KIFAP3: variants seen among roughly 807,000 people sequenced by gnomAD.
KIFAP3 encodes the protein kinesin-associated protein 3.
KIFAP3 carries 68 observed loss-of-function variants against 106.5 expected under a neutral mutation model. That is an observed-to-expected ratio of 0.64 (90% CI 0.53 to 0.78). The LOEUF (loss-of-function observed/expected upper bound fraction) is 0.78. KIFAP3 is among the 30% of genes least tolerant of loss of function. The pLI is 0.00. For synonymous variants in KIFAP3, 320 were observed against 311.5 expected, an observed-to-expected ratio of 1.03 and a Z score of -0.29; for missense variants, 780 against 941.8, an observed-to-expected ratio of 0.83 and a Z score of 2.25.
intron 19 of KIFAP3, among the ~76,000 whole-genome samples, chr1:169,923,394 A>G (rs1662925308): frequency 6.6e-6 from 1 of 152,170 alleles, no homozygotes; most frequent in African/African-American, 2.4e-5. Flanking sequence ...TTAAAATTAG[A>G]GAAGTTATTG....
At chr1:169,934,733 T>C (rs1663690510) in intron 19 of KIFAP3, among the ~76,000 whole-genome samples, 1 of 152,122 alleles carries the variant, frequency 6.6e-6, no homozygotes, top group Non-Finnish European at 1.5e-5. Context: ...ATTTTTGAGA[T>C]TATCTGGGTT....
intron 10 of KIFAP3, among the ~76,000 whole-genome samples, chr1:169,998,437 C>CCA (rs1440915332): frequency 3.4e-5 from 5 of 148,580 alleles, no homozygotes; most frequent in East Asian, 2.0e-4. Context: ...CACACACACA[C>CCA]CACACACACT....
chr1:169,952,047 T>C (rs913213070), intron 19 of KIFAP3, among the ~76,000 whole-genome samples: 3 of 151,990 alleles, frequency 2.0e-5, no homozygotes, highest in Admixed American at 2.0e-4. Context: ...TAAATAACTA[T>C]AGCTAATAAA....
At chr1:169,927,971 G>A (rs1055060114) in intron 19 of KIFAP3, among the ~76,000 whole-genome samples, 1 of 152,184 alleles carries the variant, frequency 6.6e-6, no homozygotes, top group South Asian at 2.1e-4. Context: ...AGGGGGTTGA[G>A]AGGCAAAATC....
chr1:170,045,020 C>G (rs1456185600), intron 3 of KIFAP3, among the ~76,000 whole-genome samples: 1 of 152,110 alleles, frequency 6.6e-6, no homozygotes, highest in Non-Finnish European at 1.5e-5. Flanking sequence ...TATTTTATGG[C>G]AATATAGTTA....
chr1:169,976,016 A>G (rs934683089), intron 16 of KIFAP3, among the ~76,000 whole-genome samples: 1 of 152,174 alleles, frequency 6.6e-6, no homozygotes, highest in African/African-American at 2.4e-5. Context: ...TACACTGAAA[A>G]GAAAGGTCAA....
At chr1:170,026,158 G>A (rs558011176) in intron 8 of KIFAP3, among the ~76,000 whole-genome samples, 37 of 152,240 alleles carry the variant, frequency 2.4e-4, no homozygotes, top group African/African-American at 8.9e-4. Context: ...AGAAAGAGAC[G>A]AGAGAAGATT....
At chr1:169,966,568 G>T (rs1483534039) in intron 17 of KIFAP3, among the ~76,000 whole-genome samples, 1 of 151,046 alleles carries the variant, frequency 6.6e-6, no homozygotes, top group Admixed American at 6.6e-5. Context: ...AATAATATTT[G>T]GAGTTTCATG....
At chr1:170,016,012 G>C (rs1668492079) in intron 10 of KIFAP3, among the ~76,000 whole-genome samples, 2 of 152,034 alleles carry the variant, frequency 1.3e-5, no homozygotes, top group African/African-American at 4.8e-5. Context: ...GATATGGTGA[G>C]ACTATCTCTA....
rs563951743 is a variant in KIFAP3, at chr1:170,000,851, T to C, written c.1184-8596A>G. ...CAACAGTTAAGGGGAAAAAATAACA[T>C]AATTTATAGGTTACAAAGATCAGTA... On this transcript the variant is annotated intron_variant, in intron 10 of 19. Transcript: ENST00000361580. Among the ~76,000 whole-genome samples the C allele has an allele frequency of 6.6e-5, 10 of 152,202 alleles. No homozygotes were observed. The East Asian group carries it at 1.9e-3, about 29-fold the overall frequency.
Position 169,992,059 on chromosome 1 carries a change from ACTT to A in KIFAP3, c.1284+93_1284+95del, listed in dbSNP as rs971610332. The A allele has an allele frequency of 3.0e-5, 15 of 501,274 alleles. No individual in the cohort carries two copies. The Admixed American group carries it at 5.1e-4, about 17-fold the overall frequency. 31.1% of individuals were successfully genotyped at this position (501,274 alleles called of 1,614,324 possible). On this transcript the variant is annotated intron_variant, in intron 11 of 19. Coordinates refer to ENST00000361580, the MANE Select transcript of KIFAP3 (RefSeq NM_014970.4). ...AATTTGTAGTATTATTAAGAAGAGA[ACTT>A]TTTTAGAGAGAAAATCTTGACAAAT...
At chr1:169,946,936 G>A (rs1664471456) in intron 19 of KIFAP3, among the ~76,000 whole-genome samples, 1 of 151,768 alleles carries the variant, frequency 6.6e-6, no homozygotes, top group African/African-American at 2.4e-5. Flanking sequence ...TATTTGCTTT[G>A]ATTTTTTCCT....
chr1:169,942,962 A>G (rs759211953), intron 19 of KIFAP3, among the ~76,000 whole-genome samples: 4 of 132,946 alleles, frequency 3.0e-5, no homozygotes, highest in Non-Finnish European at 6.2e-5. Context: ...ATTTCTTTTG[A>G]TTGAAACCAA....
At position 170,035,563 on chromosome 1, in the gene KIFAP3, AAGG is replaced by A. The variant is rs778052866; in HGVS notation, c.518-13_518-11del. 6.4e-7 allele frequency: 1 copy of A among 1,557,520 alleles called. No individual in the cohort carries two copies. Among genetic ancestry groups the A allele is most frequent in the Non-Finnish European group, 8.8e-7 (1 of 1,139,750 alleles). On this transcript the variant is annotated splice_polypyrimidine_tract_variant and intron_variant, in intron 5 of 19. Coordinates refer to ENST00000361580, the MANE Select transcript of KIFAP3 (RefSeq NM_014970.4). ...GCACCAAGGGCAGTTTCTAAAGAAA[AAGG>A]AGAGGTACCGAAACGATCATTCTCC...
At chr1:169,957,360 A>G (rs1665074179) in intron 18 of KIFAP3, among the ~76,000 whole-genome samples, 1 of 152,176 alleles carries the variant, frequency 6.6e-6, no homozygotes, top group Admixed American at 6.5e-5. Flanking sequence ...CTTTTAGACC[A>G]CAGTTATAAA....
chr1:169,945,590 G>A (rs1438048663), intron 19 of KIFAP3, among the ~76,000 whole-genome samples: 2 of 152,146 alleles, frequency 1.3e-5, no homozygotes, highest in East Asian at 3.9e-4. Context: ...GAGCATCTTT[G>A]GGCTTTCTAT....
intron 1 of KIFAP3, among the ~76,000 whole-genome samples, chr1:170,071,544 T>A (rs1671705320): frequency 6.6e-6 from 1 of 152,182 alleles, no homozygotes; most frequent in Admixed American, 6.5e-5. Flanking sequence ...TGCTTCATTA[T>A]AACACAGTGG....
intron 15 of KIFAP3, among the ~76,000 whole-genome samples, chr1:169,980,215 C>T (rs1666444413): frequency 6.6e-6 from 1 of 151,974 alleles, no homozygotes; most frequent in South Asian, 2.1e-4. Flanking sequence ...ACTGAAAATA[C>T]ATTGAGCTAT....
chr1:169,982,658 A>T, intron 14 of KIFAP3, 44 bp downstream of exon 14: 1 of 1,349,540 alleles, frequency 7.4e-7, no homozygotes, highest in African/African-American at 1.5e-5. Context: ...TAACAGAAAG[A>T]AATAACTTAG....
Sources: allele counts gnomAD v4.1 joint callset (sites outside exome capture counted in the v4.1 genomes callset), GRCh38; gene constraint gnomAD v4.1.1; transcripts MANE v1.5; gene names NCBI Gene and HGNC (gene_info 2026-07-23, HGNC 2026-07-21).